Variants in UTP18 observed in about 807,000 individuals in gnomAD.
UTP18 encodes the protein U3 small nucleolar RNA-associated protein 18 homolog.
UTP18 carries 36 observed loss-of-function variants against 61.1 expected under a neutral mutation model. The observed-to-expected ratio is 0.59, with a 90% confidence interval of 0.45 to 0.78. UTP18 has a LOEUF of 0.78. Ranked by LOEUF, UTP18 falls within the 30% of genes least tolerant of loss-of-function variation. The probability of loss-of-function intolerance (pLI) is 0.00; values close to 1 mark genes in which losing one functional copy is unlikely to be tolerated. For synonymous variants in UTP18, 282 were observed against 251.1 expected (o/e 1.12, Z -1.16); for missense variants, 753 against 693.9 (o/e 1.09, Z -0.96).
At chr17:51,272,894 A>G (rs557398874) in intron 4 of UTP18, among the ~76,000 whole-genome samples, 16 of 152,234 alleles carry the variant, frequency 1.1e-4, no homozygotes, top group African/African-American at 3.1e-4. Flanking sequence ...AAGCAGCCCT[A>G]TTTGCTCTTT....
chr17:51,271,392 G>T (rs888961517), intron 4 of UTP18, among the ~76,000 whole-genome samples: 4 of 151,142 alleles, frequency 2.6e-5, no homozygotes, highest in Non-Finnish European at 4.4e-5. Context: ...CTGTAGTCTC[G>T]ACCTCCTGGG....
At chr17:51,285,123 GGT>G in intron 9 of UTP18, 120 bp from the exon 10 acceptor site, 5 of 987,306 alleles carry the variant, frequency 5.1e-6, no homozygotes, top group Non-Finnish European at 7.4e-6. Flanking sequence ...GAACTAGGAG[GGT>G]TATAATAGGT....
chr17:51,284,513 T>G (rs1364384810), intron 9 of UTP18, among the ~76,000 whole-genome samples: 1 of 152,218 alleles, frequency 6.6e-6, no homozygotes, highest in South Asian at 2.1e-4. Context: ...AACATTTTGG[T>G]ATCTAAATCG....
chr17:51,296,809 T>G, intron 12 of UTP18, 156 bp from the exon 13 acceptor site: 1 of 625,122 alleles, frequency 1.6e-6, no homozygotes, highest in Admixed American at 3.5e-5. Flanking sequence ...CTCCAGAATG[T>G]CAGATTGAGG....
At chr17:51,278,922 A>G (rs1410712379) in intron 7 of UTP18, among the ~76,000 whole-genome samples, 1 of 152,180 alleles carries the variant, frequency 6.6e-6, no homozygotes, top group East Asian at 1.9e-4. Context: ...CATGAGTCCA[A>G]GCAAGGGAAC....
intron 4 of UTP18, 53 bp from the exon 5 acceptor site, chr17:51,273,309 A>G: frequency 2.1e-6 from 3 of 1,405,442 alleles, no homozygotes; most frequent in Non-Finnish European, 2.9e-6. Context: ...GGGTAGGTAA[A>G]AGGGGCAGCT....
intron 1 of UTP18, among the ~76,000 whole-genome samples, chr17:51,262,807 CT>C (rs2055520477): frequency 6.6e-6 from 1 of 152,204 alleles, no homozygotes; most frequent in Non-Finnish European, 1.5e-5. Flanking sequence ...CCACCTTGAC[CT>C]CCCAAAGTGT....
At chr17:51,293,309 A>G (rs1368099853) in intron 11 of UTP18, among the ~76,000 whole-genome samples, 5 of 152,150 alleles carry the variant, frequency 3.3e-5, no homozygotes, top group Admixed American at 6.5e-5. Context: ...ATCAAATTTT[A>G]TAGTGTGTAC....
chr17:51,284,699 A>T (rs141364350), intron 9 of UTP18, among the ~76,000 whole-genome samples: 9 of 152,248 alleles, frequency 5.9e-5, no homozygotes, highest in African/African-American at 2.2e-4. Context: ...TTTTCCTGTA[A>T]ACCTAAAGGT....
chr17:51,283,533 C>G (rs980621707), intron 9 of UTP18, among the ~76,000 whole-genome samples: 5 of 148,900 alleles, frequency 3.4e-5, no homozygotes. Context: ...TACATTGTTA[C>G]ATGTAAAGAA....
chr17:51,292,370 G>A (rs1905260888), intron 11 of UTP18, among the ~76,000 whole-genome samples: 1 of 152,254 alleles, frequency 6.6e-6, no homozygotes, highest in African/African-American at 2.4e-5. Flanking sequence ...TGTGCAGGCA[G>A]AACCTGCCTT....
At chr17:51,288,557 C>T in intron 11 of UTP18, 1 of 458,638 alleles carries the variant, frequency 2.2e-6, no homozygotes, top group Non-Finnish European at 4.4e-6. Context: ...GGCCTGTTGT[C>T]TTAACAGAAC....
intron 11 of UTP18, among the ~76,000 whole-genome samples, chr17:51,291,091 G>T (rs908783708): frequency 6.6e-6 from 1 of 152,168 alleles, no homozygotes; most frequent in Non-Finnish European, 1.5e-5. Context: ...CTTAACTGTC[G>T]TGATAGAAAT....
At chr17:51,279,903 C>T (rs1308301786) in intron 7 of UTP18, 102 bp from the exon 8 acceptor site, 1 of 945,560 alleles carries the variant, frequency 1.1e-6, no homozygotes, top group Non-Finnish European at 1.6e-6. Context: ...TAATTTGAGC[C>T]ACTTACGTAT....
intron 2 of UTP18, among the ~76,000 whole-genome samples, 160 bp downstream of exon 2, chr17:51,263,546 G>C (rs974379364): frequency 6.6e-6 from 1 of 152,158 alleles, no homozygotes; most frequent in Non-Finnish European, 1.5e-5. Flanking sequence ...TCCCACCACC[G>C]AGGGAGAACT....
intron 4 of UTP18, among the ~76,000 whole-genome samples, chr17:51,273,011 T>G (rs1036333512): frequency 4.6e-5 from 7 of 152,220 alleles, no homozygotes; most frequent in African/African-American, 1.7e-4. Flanking sequence ...TGTTGCCAAT[T>G]TTGCCATAAT....
chr17:51,288,559 T>A (rs1329150193), intron 11 of UTP18: 1 of 458,496 alleles, frequency 2.2e-6, no homozygotes, highest in Non-Finnish European at 4.4e-6. Context: ...CCTGTTGTCT[T>A]AACAGAACGG....
In UTP18 at chr17:51,280,078, T is replaced by C; in HGVS notation, c.1086T>C (p.Ala362=). The C allele has an allele frequency of 6.2e-7, 1 of 1,613,822 alleles. No individual in the cohort carries two copies. Among genetic ancestry groups the C allele is most frequent in the Non-Finnish European group, 8.5e-7 (1 of 1,179,862 alleles). The change falls in exon 8 of 14, where the codon GCT becomes GCC. Residue 362 remains alanine, a synonymous_variant. Coordinates refer to ENST00000225298, the MANE Select transcript of UTP18 (RefSeq NM_016001.3). ...CCTTCTTGCTCATAAATGGCATTGC[T>C]GGATATTTGCATTTGCTAGCAATGA... ...DGSFLLINGI[A]GYLHLLAMKT...
Position 51,297,917 on chromosome 17 carries a change from C to A in UTP18, c.*150C>A, listed in dbSNP as rs1567708760. On this transcript the variant is annotated 3_prime_UTR_variant, in exon 14 of 14. Coordinates refer to ENST00000225298, the MANE Select transcript of UTP18 (RefSeq NM_016001.3). ...CAGTAATGTCTTAATAAACATGTGGCAGCTTTTGTTTGAAAATAAGTGTAT... is the reference window on the plus strand; with the variant it reads ...CAGTAATGTCTTAATAAACATGTGGAAGCTTTTGTTTGAAAATAAGTGTAT... 2 of 299,456 alleles carry A rather than the reference C, an allele frequency of 6.7e-6. No individual in the cohort carries two copies. The highest frequency in any genetic ancestry group is 5.6e-5 in the South Asian group (2 of 35,670). The allele number at this position is 299,456 out of a possible 1,614,324, so 18.5% of individuals were successfully genotyped here.
Sources: gnomAD v4.1 joint callset for allele counts (sites outside exome capture counted in the v4.1 genomes callset) on GRCh38, gnomAD v4.1.1 for gene constraint, MANE v1.5 for transcripts, NCBI Gene and HGNC (gene_info 2026-07-23, HGNC 2026-07-21) for gene names.